ZNF385B: variants seen among roughly 807,000 people sequenced by gnomAD.
The protein encoded by ZNF385B is zinc finger protein 533.
ZNF385B carries 23 observed loss-of-function variants against 39.2 expected under a neutral mutation model. The observed-to-expected ratio is 0.59, with a 90% CI of 0.42 to 0.83. The LOEUF is 0.83. ZNF385B is among the 40% of genes least tolerant of loss of function. The probability of loss-of-function intolerance (pLI) is 0.00; values close to 1 mark genes in which losing one functional copy is unlikely to be tolerated. For synonymous variants in ZNF385B, 205 were observed against 222.6 expected (o/e 0.92, Z 0.70); for missense variants, 552 against 598.9 (o/e 0.92, Z 0.82).
chr2:179,772,356 C>T (rs1026643306), intron 1 of ZNF385B, among the ~76,000 whole-genome samples: 6 of 152,134 alleles, frequency 3.9e-5, no homozygotes, highest in African/African-American at 1.2e-4. Flanking sequence ...CCTCCAACAC[C>T]GCATTCATGG....
At chr2:179,678,193 A>T (rs1697119551) in intron 3 of ZNF385B, among the ~76,000 whole-genome samples, 1 of 152,210 alleles carries the variant, frequency 6.6e-6, no homozygotes, top group Non-Finnish European at 1.5e-5. Context: ...TATCTGTTTC[A>T]GTCAATCTGT....
intron 3 of ZNF385B, among the ~76,000 whole-genome samples, chr2:179,564,812 C>T (rs1265574601): frequency 6.6e-6 from 1 of 152,054 alleles, no homozygotes; most frequent in African/African-American, 2.4e-5. Flanking sequence ...CACCTGTATC[C>T]CATTGGCACC....
At chr2:179,610,595 T>C (rs576960925) in intron 3 of ZNF385B, among the ~76,000 whole-genome samples, 1 of 151,982 alleles carries the variant, frequency 6.6e-6, no homozygotes, top group East Asian at 1.9e-4. Flanking sequence ...GTGAAGAATA[T>C]CATTGATATT....
intron 3 of ZNF385B, among the ~76,000 whole-genome samples, chr2:179,664,951 G>C (rs1021383369): frequency 2.0e-5 from 3 of 152,136 alleles, no homozygotes; most frequent in Non-Finnish European, 4.4e-5. Context: ...ATAGTGGGAA[G>C]TGTTTGACTA....
At chr2:179,781,786 T>G (rs1349966145) in intron 1 of ZNF385B, among the ~76,000 whole-genome samples, 1 of 152,126 alleles carries the variant, frequency 6.6e-6, no homozygotes, top group Non-Finnish European at 1.5e-5. Flanking sequence ...AGATATTGAT[T>G]CCATGAACAA....
At chr2:179,575,497 G>A (rs1434584752) in intron 3 of ZNF385B, among the ~76,000 whole-genome samples, 8 of 152,066 alleles carry the variant, frequency 5.3e-5, no homozygotes, top group Non-Finnish European at 8.8e-5. Context: ...AGCAGAAGTC[G>A]AAATGCTATT....
chr2:179,579,790 T>C (rs1686271396), intron 3 of ZNF385B, among the ~76,000 whole-genome samples: 1 of 152,198 alleles, frequency 6.6e-6, no homozygotes, highest in African/African-American at 2.4e-5. Flanking sequence ...ATTTTCTATG[T>C]AGCAGATGTT....
intron 3 of ZNF385B, among the ~76,000 whole-genome samples, chr2:179,693,321 T>G (rs1381375538): frequency 6.6e-6 from 1 of 152,094 alleles, no homozygotes; most frequent in Non-Finnish European, 1.5e-5. Flanking sequence ...GTTAATCAGG[T>G]GGGATGCTGA....
chr2:179,613,905 T>C (rs7601398), intron 3 of ZNF385B, among the ~76,000 whole-genome samples: 22,049 of 152,128 alleles, frequency 0.14, 1,856 homozygotes, highest in East Asian at 0.25. Flanking sequence ...CTGAGATGTA[T>C]GATTGCCCTC....
rs1000181350 is a variant in ZNF385B, at chr2:179,842,924, G to A, written c.-155+18177C>T. On this transcript the variant is annotated intron_variant, in intron 1 of 9. Coordinates refer to ENST00000410066, the MANE Select transcript of ZNF385B (RefSeq NM_152520.6). ...GGACTAAAGGCCTCTCCAGACTTTG[G>A]TGTGGAGGGAGCCTGCCTCAGGTGC... Among the ~76,000 whole-genome samples, 12 of 152,174 alleles carry A rather than the reference G, an allele frequency of 7.9e-5. 1 individual carries two copies. The highest frequency in any genetic ancestry group is 3.3e-4 in the Admixed American group (5 of 15,276).
chr2:179,625,815 A>G (rs1328983517), intron 3 of ZNF385B, among the ~76,000 whole-genome samples: 1 of 152,154 alleles, frequency 6.6e-6, no homozygotes, highest in Non-Finnish European at 1.5e-5. Context: ...CAGGTCATGT[A>G]GTAAGATCCT....
At chr2:179,619,010 GT>G (rs1017502722) in intron 3 of ZNF385B, among the ~76,000 whole-genome samples, 1 of 152,050 alleles carries the variant, frequency 6.6e-6, no homozygotes, top group Non-Finnish European at 1.5e-5. Flanking sequence ...CACCTGGTCT[GT>G]TTACTAACAA....
chr2:179,818,685 A>G (rs1442338499), intron 1 of ZNF385B, among the ~76,000 whole-genome samples: 1 of 152,098 alleles, frequency 6.6e-6, no homozygotes, highest in African/African-American at 2.4e-5. Context: ...TTCCCACAAC[A>G]CACTTCCGGT....
chr2:179,819,173 G>A (rs768948535), intron 1 of ZNF385B, among the ~76,000 whole-genome samples: 5 of 151,516 alleles, frequency 3.3e-5, no homozygotes, highest in African/African-American at 4.9e-5. Context: ...AGTGTTATTT[G>A]GTATTCCATA....
intron 6 of ZNF385B, among the ~76,000 whole-genome samples, chr2:179,463,942 G>T (rs1334008115): frequency 6.6e-6 from 1 of 152,122 alleles, no homozygotes; most frequent in African/African-American, 2.4e-5. Flanking sequence ...TCTTCCAATG[G>T]TTGAACTGAT....
intron 1 of ZNF385B, among the ~76,000 whole-genome samples, chr2:179,796,719 G>A (rs1463988920): frequency 1.3e-5 from 2 of 152,006 alleles, no homozygotes; most frequent in East Asian, 3.9e-4. Context: ...AAAGAGTGCT[G>A]ATCAAGAAAA....
chr2:179,769,797 T>A lies in ZNF385B; in HGVS notation c.4A>T (p.Arg2Trp). 6.2e-7 allele frequency: 1 copy of A among 1,601,116 alleles called. No individual in the cohort carries two copies. Among genetic ancestry groups the A allele is most frequent in the Non-Finnish European group, 8.5e-7 (1 of 1,172,858 alleles). The change falls in exon 3 of 10, where the codon AGG (arginine) becomes TGG (tryptophan). Residue 2 changes from arginine (R) to tryptophan (W), a missense_variant. Arg to Trp is a moderately radical substitution (Grantham distance 101). Transcript: ENST00000410066. ...TGGTTGTCAGGGCTTAAGGAGTACC[T>A]CATGCCTGAAAAACAAAACAAGTAC... M[R>W]YSLSPDNHLE...
intron 3 of ZNF385B, among the ~76,000 whole-genome samples, chr2:179,571,948 C>T (rs534581799): frequency 3.3e-5 from 5 of 152,104 alleles, no homozygotes; most frequent in African/African-American, 7.2e-5. Context: ...TAATGGCCCT[C>T]GGACTACTTC....
In ZNF385B at chr2:179,555,910, A is replaced by G. The variant is rs938169808; in HGVS notation, c.299-10941T>C. 3.3e-4 allele frequency among the ~76,000 whole-genome samples: 49 copies of G among 149,428 alleles called. 1 individual carries two copies. Among genetic ancestry groups the G allele is most frequent in the Non-Finnish European group, 1.6e-4 (11 of 67,686 alleles). On this transcript the variant is annotated intron_variant, in intron 3 of 9. Transcript: ENST00000410066. ...GCCACCATGGCAGCAGCCTGGCAGAATGTTACATTTAAAAATAAATCCTTT... is the reference window on the plus strand; with the variant it reads ...GCCACCATGGCAGCAGCCTGGCAGAGTGTTACATTTAAAAATAAATCCTTT...
Sources: allele counts gnomAD v4.1 joint callset (sites outside exome capture counted in the v4.1 genomes callset), GRCh38; gene constraint gnomAD v4.1.1; transcripts MANE v1.5; gene names NCBI Gene and HGNC (gene_info 2026-07-23, HGNC 2026-07-21).